The following PHACTR4 variants were observed in gnomAD, a reference collection of about 807,000 sequenced individuals.
PHACTR4 encodes the protein protein phosphatase 1, regulatory subunit 124.
In PHACTR4, 51 loss-of-function variants were observed where a neutral mutation model predicts 72.7. The ratio of observed to expected loss-of-function variants is 0.70; its 90% CI spans 0.56 to 0.89. The LOEUF (loss-of-function observed/expected upper bound fraction) is 0.89, where lower values mean the gene tolerates loss of function less well. Ranked by LOEUF, PHACTR4 falls within the 40% of genes least tolerant of loss-of-function variation. The pLI, the probability that PHACTR4 is intolerant of heterozygous loss-of-function variation, is 0.00. For synonymous variants in PHACTR4, 255 were observed against 302.5 expected (o/e 0.84, Z 1.63); for missense variants, 731 against 861.8 (o/e 0.85, Z 1.90).
Position 28,459,053 on chromosome 1 carries a change from G to A in PHACTR4, c.17-32G>A. On this transcript the variant is annotated intron_variant, in intron 2 of 13. Transcript: ENST00000373839. ...GAGATTATGCTGAAATAATACATTT[G>A]CTTCCTTCCCTCTCTTCTTTTCATG... The A allele has an allele frequency of 3.2e-6, 5 of 1,556,344 alleles. No homozygotes were observed. The South Asian group carries it at 4.7e-5, about 15-fold the overall frequency.
At position 28,434,346 on chromosome 1, in the gene PHACTR4, A is replaced by C. The variant is rs1015466554; in HGVS notation, c.17-24739A>C. On this transcript the variant is annotated intron_variant, in intron 2 of 13. Coordinates refer to ENST00000373839, the MANE Select transcript of PHACTR4 (RefSeq NM_001048183.3). ...TTTCTTTTTTTTTTTTTTGAGATGGAGTTTCACTCTTGTCACCCCGGCTGG... is the reference window on the plus strand; with the variant it reads ...TTTCTTTTTTTTTTTTTTGAGATGGCGTTTCACTCTTGTCACCCCGGCTGG... Among the ~76,000 whole-genome samples, 5 of 147,574 alleles carry C rather than the reference A, an allele frequency of 3.4e-5. 1 individual carries two copies. In the South Asian group the frequency reaches 1.1e-3, roughly 32 times the overall value.
intron 2 of PHACTR4, among the ~76,000 whole-genome samples, chr1:28,416,305 G>T (rs1655103019): frequency 6.6e-6 from 1 of 151,952 alleles, no homozygotes; most frequent in South Asian, 2.1e-4. Flanking sequence ...TTTCCTGAAG[G>T]GGTATAAAGG....
intron 2 of PHACTR4, among the ~76,000 whole-genome samples, chr1:28,445,859 A>T (rs1260684357): frequency 6.6e-6 from 1 of 152,080 alleles, no homozygotes; most frequent in Non-Finnish European, 1.5e-5. Context: ...ATGTCACTGC[A>T]CTGCAGCCTG....
At chr1:28,386,345 C>T (rs372512185) in intron 1 of PHACTR4, among the ~76,000 whole-genome samples, 2 of 151,702 alleles carry the variant, frequency 1.3e-5, no homozygotes, top group Non-Finnish European at 2.9e-5. Context: ...CTGCCTGCCT[C>T]GGCCTCCCAA....
chr1:28,460,188 T>C (rs554620692), intron 3 of PHACTR4, 24 bp from the exon 4 acceptor site: 2 of 1,545,364 alleles, frequency 1.3e-6, no homozygotes, highest in African/African-American at 2.7e-5. Context: ...CATTTCTGAG[T>C]GCCATTTTCC....
At chr1:28,454,810 A>G (rs67779109) in intron 2 of PHACTR4, among the ~76,000 whole-genome samples, 5,800 of 152,272 alleles carry the variant, frequency 0.038, 272 homozygotes, top group African/African-American at 0.12. Context: ...AACTTGGACC[A>G]TATTTGAGAT....
At chr1:28,493,157 G>T (rs1661141935) in intron 13 of PHACTR4, 66 bp downstream of exon 13, 1 of 1,340,460 alleles carries the variant, frequency 7.5e-7, no homozygotes, top group African/African-American at 1.5e-5. Flanking sequence ...GTTCAGATAT[G>T]AAGGGCTCTA....
At chr1:28,387,635 C>G (rs949024616) in intron 1 of PHACTR4, among the ~76,000 whole-genome samples, 1 of 152,138 alleles carries the variant, frequency 6.6e-6, no homozygotes. Context: ...CCTGTAATCC[C>G]AGCACTTTGC....
rs1047540603 is a variant in PHACTR4, at chr1:28,499,120, T to G, written c.*2571T>G. ...GGAAAGCAAGCCCTGAATCCACATC[T>G]CCTTGAAGTTTTTTTTGTTTTATTT... On this transcript the variant is annotated 3_prime_UTR_variant, in exon 14 of 14. Coordinates refer to ENST00000373839, the MANE Select transcript of PHACTR4 (RefSeq NM_001048183.3). 3 of 150,274 alleles carry G rather than the reference T, an allele frequency of 2.0e-5. No individual in the cohort carries two copies. Among genetic ancestry groups the G allele is most frequent in the Admixed American group, 6.6e-5 (1 of 15,052 alleles). 9.3% of individuals were successfully genotyped at this position (150,274 alleles called of 1,614,324 possible). A position where few individuals can be genotyped will look rare whatever the true frequency, so the allele number is the denominator to read the frequency against.
At chr1:28,438,428 T>A (rs747652491) in intron 2 of PHACTR4, 1 of 1,612,792 alleles carries the variant, frequency 6.2e-7, no homozygotes, top group Non-Finnish European at 8.5e-7. Context: ...CCAGATGCAG[T>A]TGGTGAGTAA....
intron 12 of PHACTR4, among the ~76,000 whole-genome samples, 171 bp from the exon 13 acceptor site, chr1:28,492,844 T>G (rs904085197): frequency 5.9e-5 from 9 of 152,088 alleles, no homozygotes; most frequent in African/African-American, 1.9e-4. Context: ...AACTAAAAAT[T>G]TTAGGTTTAT....
chr1:28,433,924 G>A (rs1310239108), intron 2 of PHACTR4, among the ~76,000 whole-genome samples: 1 of 152,024 alleles, frequency 6.6e-6, no homozygotes. Context: ...GGGATTACAG[G>A]CTCCCGCCAC....
intron 1 of PHACTR4, among the ~76,000 whole-genome samples, chr1:28,376,334 CAG>C (rs1420981613): frequency 6.7e-6 from 1 of 149,822 alleles, no homozygotes; most frequent in African/African-American, 2.5e-5. Context: ...AAAATTGAGA[CAG>C]AGTCTTACTC....
intron 10 of PHACTR4, chr1:28,489,635 T>C: frequency 2.8e-6 from 1 of 362,962 alleles, no homozygotes. Context: ...CAGCAGCTTT[T>C]CTCTTGGTTT....
intron 6 of PHACTR4, among the ~76,000 whole-genome samples, chr1:28,468,012 A>G (rs1659315549): frequency 6.6e-6 from 1 of 152,226 alleles, no homozygotes; most frequent in African/African-American, 2.4e-5. Flanking sequence ...ATGAATAAAA[A>G]CTATACTCAT....
chr1:28,478,541 C>T (rs767910787), intron 8 of PHACTR4, among the ~76,000 whole-genome samples: 2 of 152,188 alleles, frequency 1.3e-5, no homozygotes, highest in Non-Finnish European at 2.9e-5. Flanking sequence ...AAGCGATTCT[C>T]CTGCCTCAGC....
At chr1:28,487,045 C>A (rs368993162) in intron 9 of PHACTR4, among the ~76,000 whole-genome samples, 3 of 150,260 alleles carry the variant, frequency 2.0e-5, no homozygotes, top group Admixed American at 6.7e-5. Flanking sequence ...TAAATAAATA[C>A]ATACATACAT....
At chr1:28,485,900 C>CA (rs1222174781) in intron 9 of PHACTR4, among the ~76,000 whole-genome samples, 2 of 150,584 alleles carry the variant, frequency 1.3e-5, no homozygotes, top group African/African-American at 2.4e-5. Flanking sequence ...CTCTCCATCT[C>CA]AAAAAAAATA....
intron 2 of PHACTR4, among the ~76,000 whole-genome samples, chr1:28,432,690 C>T (rs998434347): frequency 6.6e-6 from 1 of 152,012 alleles, no homozygotes. Context: ...TAAGTGCTGT[C>T]TAAATCTCAA....
Sources: allele counts gnomAD v4.1 joint callset (sites outside exome capture counted in the v4.1 genomes callset), GRCh38; gene constraint gnomAD v4.1.1; transcripts MANE v1.5; gene names NCBI Gene and HGNC (gene_info 2026-07-23, HGNC 2026-07-21).